Variants in CCSER2 observed in about 807,000 individuals in gnomAD.
CCSER2 encodes the protein serine-rich coiled-coil domain-containing protein 2.
A neutral mutation model predicts 92.3 loss-of-function variants in CCSER2; 46 were observed. The ratio of observed to expected loss-of-function variants is 0.50; its 90% confidence interval spans 0.39 to 0.64. The LOEUF is 0.64. CCSER2 is among the 30% of genes least tolerant of loss of function. The probability of loss-of-function intolerance (pLI) is 0.00; values close to 1 mark genes in which losing one functional copy is unlikely to be tolerated. For missense variants in CCSER2, 1,244 were observed against 1,238.9 expected, an observed-to-expected ratio of 1.00 and a Z score of -0.06; for synonymous variants, 433 against 431.4, an observed-to-expected ratio of 1.00 and a Z score of -0.04.
At chr10:84,482,449 A>G (rs1270674356) in intron 9 of CCSER2, among the ~76,000 whole-genome samples, 3 of 152,252 alleles carry the variant, frequency 2.0e-5, no homozygotes, top group East Asian at 1.9e-4. Context: ...ATTTTTAAGC[A>G]TAGTGTACAG....
chr10:84,369,059 T>A (rs926922114), intron 1 of CCSER2, among the ~76,000 whole-genome samples: 3 of 152,208 alleles, frequency 2.0e-5, no homozygotes, highest in South Asian at 2.1e-4. Context: ...TGTATTTTTT[T>A]AATTCACTCA....
intron 5 of CCSER2, among the ~76,000 whole-genome samples, chr10:84,435,623 C>A: frequency 7.1e-6 from 1 of 139,946 alleles, no homozygotes; most frequent in South Asian, 2.4e-4. Flanking sequence ...ATACATGTTC[C>A]TTACCCATTC....
At chr10:84,349,816 C>T (rs1844761814) in intron 1 of CCSER2, among the ~76,000 whole-genome samples, 1 of 152,186 alleles carries the variant, frequency 6.6e-6, no homozygotes, top group Non-Finnish European at 1.5e-5. Context: ...TTTCTTCTTT[C>T]CTATTCATTC....
Position 84,474,052 on chromosome 10 carries a change from G to A in CCSER2, c.2236-3523G>A, listed in dbSNP as rs74147573. On this transcript the variant is annotated intron_variant, in intron 8 of 9. Transcript: ENST00000372088. ...CTCTGAGAATTAACTGAAAGGCATAGAAGTTTAACTATTCAAACCTTACTA... is the reference window on the plus strand; with the variant it reads ...CTCTGAGAATTAACTGAAAGGCATAAAAGTTTAACTATTCAAACCTTACTA... 8.5e-4 allele frequency among the ~76,000 whole-genome samples: 130 copies of A among 152,288 alleles called. 1 individual carries two copies. The highest frequency in any genetic ancestry group is 3.0e-3 in the African/African-American group (126 of 41,550).
chr10:84,431,660 T>C (rs1361870996), intron 5 of CCSER2, among the ~76,000 whole-genome samples: 2 of 152,050 alleles, frequency 1.3e-5, no homozygotes, highest in Non-Finnish European at 2.9e-5. Context: ...GGGGATCACT[T>C]GAGCCCAGGA....
At chr10:84,503,833 G>A (rs1848900930) in intron 9 of CCSER2, among the ~76,000 whole-genome samples, 1 of 152,124 alleles carries the variant, frequency 6.6e-6, no homozygotes, top group African/African-American at 2.4e-5. Context: ...TGTCGTAATA[G>A]CCTGACAGTT....
At chr10:84,426,495 C>CAAG (rs1190439099) in intron 5 of CCSER2, among the ~76,000 whole-genome samples, 3 of 152,196 alleles carry the variant, frequency 2.0e-5, no homozygotes, top group Non-Finnish European at 4.4e-5. Flanking sequence ...GTCTCTGCTT[C>CAAG]ACTTTACTAT....
At chr10:84,417,680 C>A in intron 3 of CCSER2, 91 bp from the exon 4 acceptor site, 1 of 651,944 alleles carries the variant, frequency 1.5e-6, no homozygotes, top group South Asian at 1.9e-5. Context: ...TGAGTGAATT[C>A]AGGATATCAT....
intron 8 of CCSER2, among the ~76,000 whole-genome samples, chr10:84,473,758 G>A (rs558490546): frequency 6.6e-6 from 1 of 152,112 alleles, no homozygotes; most frequent in Non-Finnish European, 1.5e-5. Flanking sequence ...CATAGACTAG[G>A]AATTAAAGGA....
chr10:84,336,688 G>A lies in CCSER2; in HGVS notation c.-40+7880G>A, dbSNP rs562109937. On this transcript the variant is annotated intron_variant, in intron 1 of 9. Coordinates refer to ENST00000372088, the MANE Select transcript of CCSER2 (RefSeq NM_001284240.2). Reference sequence around the variant, plus strand: ...GAGGTGGGTTGGGTTGGGGGGATATGCCTGATCATATATGGCATTGTAGGC... The same window carrying A: ...GAGGTGGGTTGGGTTGGGGGGATATACCTGATCATATATGGCATTGTAGGC... Among the ~76,000 whole-genome samples, 489 of 152,294 alleles carry A rather than the reference G, an allele frequency of 3.2e-3. 1 individual carries two copies. The highest frequency in any genetic ancestry group is 4.4e-3 in the Non-Finnish European group (299 of 68,024).
At chr10:84,366,932 A>G (rs995898171) in intron 1 of CCSER2, among the ~76,000 whole-genome samples, 7 of 152,226 alleles carry the variant, frequency 4.6e-5, no homozygotes, top group African/African-American at 1.7e-4. Flanking sequence ...CATAAGAACT[A>G]GAATTGTGGA....
intron 1 of CCSER2, among the ~76,000 whole-genome samples, chr10:84,358,083 A>T (rs1845288135): frequency 6.6e-6 from 1 of 152,194 alleles, no homozygotes; most frequent in Non-Finnish European, 1.5e-5. Context: ...TCCCCTGCCT[A>T]CAGTGGTTTG....
At chr10:84,348,345 G>T (rs1190302927) in intron 1 of CCSER2, among the ~76,000 whole-genome samples, 1 of 152,208 alleles carries the variant, frequency 6.6e-6, no homozygotes, top group South Asian at 2.1e-4. Flanking sequence ...GCAGGCACTC[G>T]GCAGGCTGAG....
At chr10:84,428,401 T>G (rs1239905199) in intron 5 of CCSER2, among the ~76,000 whole-genome samples, 5 of 152,248 alleles carry the variant, frequency 3.3e-5, no homozygotes, top group African/African-American at 1.2e-4. Context: ...GAGGTGGAGC[T>G]CCTGTCAGAT....
intron 4 of CCSER2, among the ~76,000 whole-genome samples, chr10:84,422,369 A>G (rs1272189373): frequency 6.6e-6 from 1 of 152,262 alleles, no homozygotes. Context: ...GCCTGTATCA[A>G]TAAAACATTT....
intron 5 of CCSER2, among the ~76,000 whole-genome samples, chr10:84,432,828 A>G (rs1843862238): frequency 6.6e-6 from 1 of 152,004 alleles, no homozygotes; most frequent in Non-Finnish European, 1.5e-5. Context: ...CTCCCTTTTC[A>G]TATTATAGGA....
At chr10:84,347,757 G>C (rs1442894780) in intron 1 of CCSER2, among the ~76,000 whole-genome samples, 1 of 151,358 alleles carries the variant, frequency 6.6e-6, no homozygotes, top group East Asian at 2.0e-4. Flanking sequence ...GCTGCCGGGC[G>C]GAGGGGCTCC....
chr10:84,465,821 G>T (rs1182168322), intron 7 of CCSER2, among the ~76,000 whole-genome samples: 1 of 151,726 alleles, frequency 6.6e-6, no homozygotes, highest in Non-Finnish European at 1.5e-5. Flanking sequence ...CATGATCTTG[G>T]CTCACTGCAA....
At chr10:84,441,755 T>TG in intron 6 of CCSER2, among the ~76,000 whole-genome samples, 1 of 80,248 alleles carries the variant, frequency 1.2e-5, no homozygotes, top group African/African-American at 4.0e-5. Context: ...TTTTTTTTTT[T>TG]TTTTTTTTTT....
Sources: gnomAD v4.1 joint callset for allele counts (sites outside exome capture counted in the v4.1 genomes callset) on GRCh38, gnomAD v4.1.1 for gene constraint, MANE v1.5 for transcripts, NCBI Gene and HGNC (gene_info 2026-07-23, HGNC 2026-07-21) for gene names.